Variants in SASH1 observed in about 807,000 individuals in gnomAD.
SASH1 encodes the protein SAM and SH3 domain-containing protein 1.
Under a neutral mutation model 125.2 loss-of-function variants are expected in SASH1, and 44 were observed. The ratio of observed to expected loss-of-function variants is 0.35; its 90% CI spans 0.28 to 0.45. The LOEUF (loss-of-function observed/expected upper bound fraction) is 0.45, where lower values mean the gene tolerates loss of function less well. Ranked by LOEUF, SASH1 falls within the 20% of genes least tolerant of loss-of-function variation. SASH1 has a pLI of 1.00. For synonymous variants in SASH1, 639 were observed against 649.1 expected (o/e 0.98, Z 0.24); for missense variants, 1,426 against 1,614.5 (o/e 0.88, Z 2.00).
chr6:148,451,727 GA>G, intron 4 of SASH1, among the ~76,000 whole-genome samples: 1 of 152,334 alleles, frequency 6.6e-6, no homozygotes, highest in African/African-American at 2.4e-5. Context: ...TTGTGATTTA[GA>G]AAATCATGCT....
At position 148,514,546 on chromosome 6, in the gene SASH1, A is replaced by AAGGGAT. The variant is rs11283299; in HGVS notation, c.862+92_862+97dup. On this transcript the variant is annotated intron_variant, in intron 9 of 19. Transcript: ENST00000367467. The stretch of plus-strand genomic sequence containing the variant: ...ATTTGGGGTCAGTTTCTCAGCAGAA[A>AAGGGAT]AGGGATACGATTTCAAGTGGAAAAT... 0.21 allele frequency: 278,500 copies of AAGGGAT among 1,329,792 alleles called. 32,997 individuals are homozygous for AAGGGAT. The highest frequency in any genetic ancestry group is 0.28 in the East Asian group (10,242 of 36,652). 82.4% of individuals were successfully genotyped at this position (1,329,792 alleles called of 1,614,324 possible).
intron 2 of SASH1, among the ~76,000 whole-genome samples, chr6:148,420,321 T>C (rs1785004949): frequency 6.6e-6 from 1 of 152,134 alleles, no homozygotes; most frequent in Non-Finnish European, 1.5e-5. Context: ...GACTGTAAAA[T>C]TTGTATATAT....
At chr6:148,476,677 C>G (rs766500186) in intron 7 of SASH1, among the ~76,000 whole-genome samples, 2 of 152,056 alleles carry the variant, frequency 1.3e-5, no homozygotes, top group Admixed American at 1.3e-4. Context: ...GAATCCATCC[C>G]CCCCAACCCC....
intron 2 of SASH1, among the ~76,000 whole-genome samples, chr6:148,411,406 C>T (rs1436444679): frequency 6.6e-6 from 1 of 152,070 alleles, no homozygotes; most frequent in Non-Finnish European, 1.5e-5. Flanking sequence ...CAGTCTTATG[C>T]AATTATATCC....
At position 148,514,200 on chromosome 6, in the gene SASH1, G is replaced by T. The variant is rs562629734; in HGVS notation, c.730-124G>T. On this transcript the variant is annotated intron_variant, in intron 8 of 19. Coordinates refer to ENST00000367467, the MANE Select transcript of SASH1 (RefSeq NM_015278.5). ...TAAACCTCTTGGGCAAATTTTTGTTGGTTCCCAAGTTCAGCAACAGAGCTG... is the reference window on the plus strand; with the variant it reads ...TAAACCTCTTGGGCAAATTTTTGTTTGTTCCCAAGTTCAGCAACAGAGCTG... 5 of 1,469,076 alleles carry T rather than the reference G, an allele frequency of 3.4e-6. No homozygotes were observed. In the East Asian group the frequency reaches 1.3e-4, roughly 37 times the overall value. 91.0% of individuals were successfully genotyped at this position (1,469,076 alleles called of 1,614,324 possible).
At chr6:148,482,737 A>G (rs980957171) in intron 7 of SASH1, among the ~76,000 whole-genome samples, 1 of 136,872 alleles carries the variant, frequency 7.3e-6, no homozygotes, top group Admixed American at 8.1e-5. Flanking sequence ...CGCCCAGGCT[A>G]GAGTGCAGTG....
At chr6:148,497,706 A>G (rs1779371592) in intron 8 of SASH1, among the ~76,000 whole-genome samples, 1 of 152,268 alleles carries the variant, frequency 6.6e-6, no homozygotes. Flanking sequence ...GAATTGTCAG[A>G]ACAAACTTAA....
At chr6:148,253,557 A>G in the SASH1 span, among the ~76,000 whole-genome samples, 38 of 152,284 alleles carry the variant, frequency 2.5e-4, no homozygotes, top group South Asian at 7.7e-3. Context: ...TCACTTCATC[A>G]AAACTAAAAC....
At chr6:148,334,967 C>T (rs1177552402) in intron 1 of SASH1, among the ~76,000 whole-genome samples, 3 of 97,156 alleles carry the variant, frequency 3.1e-5, no homozygotes, top group African/African-American at 1.1e-4. Flanking sequence ...GAGTGAGACT[C>T]CATCTCAAAA....
chr6:148,534,620 T>TA (rs751340411), intron 15 of SASH1, 131 bp from the exon 16 acceptor site: 74 of 875,362 alleles, frequency 8.5e-5, no homozygotes, highest in Non-Finnish European at 1.4e-4. Flanking sequence ...TTGCAAATGA[T>TA]ACTTACTAAT....
intron 1 of SASH1, among the ~76,000 whole-genome samples, chr6:148,275,816 G>A (rs1307526136): frequency 6.6e-6 from 1 of 152,182 alleles, no homozygotes; most frequent in Non-Finnish European, 1.5e-5. Flanking sequence ...TGAACTCCTA[G>A]GCTAAAGCAA....
chr6:148,202,481 AG>A, the SASH1 span, among the ~76,000 whole-genome samples: 2 of 152,202 alleles, frequency 1.3e-5, no homozygotes, highest in Non-Finnish European at 2.9e-5. Flanking sequence ...CTACCCTGCT[AG>A]GAGACAGGAG....
At chr6:148,486,087 T>C (rs1315730950) in intron 7 of SASH1, among the ~76,000 whole-genome samples, 1 of 152,202 alleles carries the variant, frequency 6.6e-6, no homozygotes, top group Non-Finnish European at 1.5e-5. Flanking sequence ...TAAAAAATTT[T>C]TAAAAGTAAA....
chr6:148,445,582 A>G (rs1032734970), intron 4 of SASH1, among the ~76,000 whole-genome samples: 3 of 152,208 alleles, frequency 2.0e-5, no homozygotes, highest in Admixed American at 1.3e-4. Context: ...GGCTGGCTCC[A>G]TGACTCAAGT....
At position 148,433,018 on chromosome 6, in the gene SASH1, G is replaced by T. The variant is rs949350897; in HGVS notation, c.286-7166G>T. Among the ~76,000 whole-genome samples the T allele has an allele frequency of 5.9e-5, 9 of 152,216 alleles. No individual in the cohort carries two copies. In the South Asian group the frequency reaches 1.9e-3, roughly 32 times the overall value. On this transcript the variant is annotated intron_variant, in intron 2 of 19. Coordinates refer to ENST00000367467, the MANE Select transcript of SASH1 (RefSeq NM_015278.5). ...GCACACACAGGTACACATTTGTTTCGGTTTTGGTTTTGGCAAACTACTGAT... is the reference window on the plus strand; with the variant it reads ...GCACACACAGGTACACATTTGTTTCTGTTTTGGTTTTGGCAAACTACTGAT...
At chr6:148,317,336 A>T (rs1374046878) in intron 1 of SASH1, among the ~76,000 whole-genome samples, 3 of 152,376 alleles carry the variant, frequency 2.0e-5, no homozygotes, top group South Asian at 2.1e-4. Context: ...GAAAACCAGG[A>T]AAGTTAAACA....
chr6:148,422,723 A>G (rs1775624293), intron 2 of SASH1, among the ~76,000 whole-genome samples: 1 of 152,190 alleles, frequency 6.6e-6, no homozygotes, highest in African/African-American at 2.4e-5. Flanking sequence ...GAAAATCACT[A>G]TACAAGAACA....
the SASH1 span, among the ~76,000 whole-genome samples, chr6:148,252,500 A>C: frequency 6.8e-6 from 1 of 147,220 alleles, no homozygotes; most frequent in African/African-American, 2.5e-5. Flanking sequence ...TTTTTTTGAG[A>C]CAGAGTCTCG....
intron 1 of SASH1, among the ~76,000 whole-genome samples, chr6:148,369,946 T>C: frequency 8.7e-6 from 1 of 114,470 alleles, no homozygotes; most frequent in African/African-American, 3.6e-5. Context: ...ACAGCGAGAT[T>C]GTCTCAAAAA....
Sources: allele counts gnomAD v4.1 joint callset (sites outside exome capture counted in the v4.1 genomes callset), GRCh38; gene constraint gnomAD v4.1.1; transcripts MANE v1.5; gene names NCBI Gene and HGNC (gene_info 2026-07-23, HGNC 2026-07-21).